Variants in RPA2 observed in about 807,000 individuals in gnomAD.
The protein encoded by RPA2 is replication protein A2, also known as replication protein A 32 kDa subunit.
RPA2 carries 22 observed loss-of-function variants against 33.4 expected under a neutral mutation model. The observed-to-expected ratio is 0.66, with a 90% CI of 0.47 to 0.94. The LOEUF (loss-of-function observed/expected upper bound fraction) is 0.94. Among genes scored for constraint, RPA2 ranks in the 40% least tolerant of loss-of-function variants. RPA2 has a pLI of 0.00. For missense variants in RPA2, 279 were observed against 329.9 expected (o/e 0.85, Z 1.19); for synonymous variants, 109 against 114.9 (o/e 0.95, Z 0.33).
intron 8 of RPA2, 129 bp from the exon 9 acceptor site, chr1:27,892,376 G>A: frequency 7.2e-6 from 5 of 693,128 alleles, no homozygotes; most frequent in Non-Finnish European, 2.5e-6. Context: ...GAATTCACAA[G>A]TATTCTGCAC....
Position 27,907,275 on chromosome 1 carries a change from C to T in RPA2, c.125G>A (p.Arg42Gln). 1 of 1,597,504 alleles carries T rather than the reference C, an allele frequency of 6.3e-7. No individual in the cohort carries two copies. The highest frequency in any genetic ancestry group is 8.5e-7 in the Non-Finnish European group (1 of 1,174,356). The change falls in exon 3 of 9, where the codon CGA becomes CAA. Residue 42 changes from arginine to glutamine, a missense_variant. Physicochemically the swap from Arg to Gln is conservative, Grantham distance 43. This residue lies in a region of RPA2 where 274 missense variants were observed against 310.3 expected (regional missense o/e 0.88). Transcript: ENST00000373912. ...AGTACAGGGCACAATGTGCTGGGCT[C>T]GGGCTCTCTGAAAAGAAAAAACATG... ...PSQAEKKSRA[R>Q]AQHIVPCTIS...
At chr1:27,914,296 C>T in intron 1 of RPA2, 127 bp from the exon 2 acceptor site, 4 of 1,605,664 alleles carry the variant, frequency 2.5e-6, no homozygotes, top group South Asian at 1.1e-5. Context: ...CGCCTTCCTG[C>T]GGGTGACCCC....
chr1:27,900,938 G>C (rs2089959854), intron 4 of RPA2, among the ~76,000 whole-genome samples: 1 of 152,186 alleles, frequency 6.6e-6, no homozygotes, highest in South Asian at 2.1e-4. Flanking sequence ...CAAAGGAGTT[G>C]CTTCTCATGG....
intron 5 of RPA2, among the ~76,000 whole-genome samples, 173 bp downstream of exon 5, chr1:27,897,460 A>T: frequency 7.2e-6 from 1 of 138,108 alleles, no homozygotes; most frequent in Non-Finnish European, 1.5e-5. Context: ...TGTTAATTTC[A>T]TGTTAAGGTT....
At chr1:27,904,379 TA>T (rs2090003077) in intron 4 of RPA2, among the ~76,000 whole-genome samples, 1 of 152,166 alleles carries the variant, frequency 6.6e-6, no homozygotes, top group Non-Finnish European at 1.5e-5. Flanking sequence ...GGTGATTTTT[TA>T]AATGGTTTAT....
At chr1:27,910,320 C>A (rs2090081881) in intron 2 of RPA2, among the ~76,000 whole-genome samples, 1 of 152,138 alleles carries the variant, frequency 6.6e-6, no homozygotes, top group African/African-American at 2.4e-5. Flanking sequence ...AGATGTTTGA[C>A]AAATATTATT....
intron 3 of RPA2, 33 bp from the exon 4 acceptor site, chr1:27,907,074 G>T (rs781089598): frequency 6.7e-7 from 1 of 1,489,644 alleles, no homozygotes; most frequent in African/African-American, 1.4e-5. Flanking sequence ...AAAAAAAAAA[G>T]GTCTGGTTCC....
chr1:27,907,809 G>A (rs2090049809), intron 2 of RPA2, among the ~76,000 whole-genome samples: 1 of 152,146 alleles, frequency 6.6e-6, no homozygotes, highest in South Asian at 2.1e-4. Flanking sequence ...TGGAGCTCCT[G>A]GGGAAATGGA....
Position 27,894,145 on chromosome 1 carries a change from G to A in RPA2, c.634-39C>T, listed in dbSNP as rs1182959211. 3.2e-6 allele frequency: 5 copies of A among 1,585,920 alleles called. No homozygotes were observed. The South Asian group carries it at 4.4e-5, about 14-fold the overall frequency. On this transcript the variant is annotated intron_variant, in intron 7 of 8. Coordinates refer to ENST00000373912, the MANE Select transcript of RPA2 (RefSeq NM_002946.5). ...TCAGAAAGATTTTAGCAATTATTTT[G>A]GATCAGCCTCCCCTTTGCAAACCTG... is the stretch of plus-strand genomic sequence containing the variant.
chr1:27,894,487 A>T lies in RPA2; in HGVS notation c.526-90T>A, dbSNP rs926867538. 6.8e-6 allele frequency: 7 copies of T among 1,033,838 alleles called. No individual in the cohort carries two copies. In the Admixed American group the frequency reaches 9.6e-5, roughly 14 times the overall value. The allele number at this position is 1,033,838 out of a possible 1,614,324, so 64.0% of individuals were successfully genotyped here. On this transcript the variant is annotated intron_variant, in intron 6 of 8. Coordinates refer to ENST00000373912, the MANE Select transcript of RPA2 (RefSeq NM_002946.5). ...AAATAGCTCGTTAAGCAGCTTACAAAAAACAATTTATAAACAGTTTCCCAG... is the reference window on the plus strand; with the variant it reads ...AAATAGCTCGTTAAGCAGCTTACAATAAACAATTTATAAACAGTTTCCCAG...
chr1:27,914,028 G>A (rs773492180), intron 2 of RPA2, 35 bp downstream of exon 2: 3 of 1,534,260 alleles, frequency 2.0e-6, no homozygotes, highest in Non-Finnish European at 2.6e-6. Flanking sequence ...CTTCAGGACA[G>A]GATAAAACAA....
At chr1:27,904,936 G>C (rs567671094) in intron 4 of RPA2, among the ~76,000 whole-genome samples, 1 of 152,258 alleles carries the variant, frequency 6.6e-6, no homozygotes, top group South Asian at 2.1e-4. Context: ...ACGGGCGTGA[G>C]TCACCATGCC....
chr1:27,898,088 G>A (rs1424909836), intron 4 of RPA2, among the ~76,000 whole-genome samples: 2 of 151,896 alleles, frequency 1.3e-5, no homozygotes, highest in Admixed American at 1.3e-4. Context: ...CCTCCCAAGG[G>A]AGGGTTTGAG....
chr1:27,894,087 G>T lies in RPA2; in HGVS notation c.653C>A (p.Ala218Asp). ...AQNQVLNLIK[A>D]CPRPEGLNFQ... ...GTTCAACCCTTCAGGTCTTGGACAA[G>T]CCTTAATCAAATTCAACACCTGAAG... The change falls in exon 8 of 9, where the codon GCT (alanine) becomes GAT (aspartate). Residue 218 changes from alanine (A) to aspartate (D), a missense_variant. Physicochemically the swap from Ala to Asp is moderately radical, Grantham distance 126. Coordinates refer to ENST00000373912, the MANE Select transcript of RPA2 (RefSeq NM_002946.5). 6.2e-7 allele frequency: 1 copy of T among 1,613,940 alleles called. No individual in the cohort carries two copies. Among genetic ancestry groups the T allele is most frequent in the South Asian group, 1.1e-5 (1 of 91,072 alleles).
At chr1:27,902,541 C>G (rs2089980800) in intron 4 of RPA2, among the ~76,000 whole-genome samples, 1 of 151,988 alleles carries the variant, frequency 6.6e-6, no homozygotes, top group Admixed American at 6.6e-5. Context: ...ATCTTGGCCT[C>G]CCCAAAGTCC....
At chr1:27,893,899 A>C (rs2089856545) in intron 8 of RPA2, 113 bp downstream of exon 8, 1 of 836,340 alleles carries the variant, frequency 1.2e-6, no homozygotes, top group Non-Finnish European at 1.9e-6. Flanking sequence ...GTGAGCCACC[A>C]TGCCCGGCTG....
intron 6 of RPA2, among the ~76,000 whole-genome samples, chr1:27,895,399 G>C (rs910078398): frequency 2.6e-4 from 39 of 151,974 alleles, no homozygotes; most frequent in African/African-American, 8.2e-4. Context: ...TCCAGCCTGA[G>C]TGACAGAGTG....
At chr1:27,904,403 T>G (rs1348471388) in intron 4 of RPA2, among the ~76,000 whole-genome samples, 1 of 152,118 alleles carries the variant, frequency 6.6e-6, no homozygotes, top group East Asian at 1.9e-4. Context: ...GCAAGCATAG[T>G]GCATTTTATA....
intron 4 of RPA2, among the ~76,000 whole-genome samples, chr1:27,903,877 A>AG (rs1442229923): frequency 2.0e-5 from 3 of 149,764 alleles, no homozygotes; most frequent in Non-Finnish European, 4.5e-5. Context: ...AAAAAAAAAA[A>AG]AAAAAAAAAA....
Sources: gnomAD v4.1 joint callset for allele counts (sites outside exome capture counted in the v4.1 genomes callset) on GRCh38, gnomAD v4.1.1 for gene constraint, gnomAD v4.1.1 regional missense constraint, MANE v1.5 for transcripts, NCBI Gene and HGNC (gene_info 2026-07-23, HGNC 2026-07-21) for gene names.